The following ADGRA3 variants were observed in gnomAD, a reference collection of about 807,000 sequenced individuals.
The protein encoded by ADGRA3 is G-protein coupled receptor 125.
In ADGRA3, 56 loss-of-function variants were observed where a neutral mutation model predicts 119.8. The observed-to-expected ratio is 0.47, with a 90% CI of 0.38 to 0.58. ADGRA3 has a LOEUF of 0.58. ADGRA3 is among the 20% of genes least tolerant of loss of function. The pLI, the probability that ADGRA3 is intolerant of heterozygous loss-of-function variation, is 0.00. For synonymous variants in ADGRA3, 607 were observed against 623.8 expected (o/e 0.97, Z 0.40); for missense variants, 1,516 against 1,649.0 (o/e 0.92, Z 1.40).
At chr4:22,483,051 G>C (rs1057214261) in intron 1 of ADGRA3, among the ~76,000 whole-genome samples, 20 of 152,202 alleles carry the variant, frequency 1.3e-4, no homozygotes, top group African/African-American at 4.6e-4. Flanking sequence ...ATCTCTACCA[G>C]AGCTTTGCAA....
chr4:22,392,391 G>C (rs868803863), intron 17 of ADGRA3, among the ~76,000 whole-genome samples, 154 bp downstream of exon 17: 5 of 152,164 alleles, frequency 3.3e-5, no homozygotes, highest in African/African-American at 7.2e-5. Flanking sequence ...ACTCGCAGCG[G>C]GAAGGATGCC....
At chr4:22,468,440 G>A (rs927309900) in intron 2 of ADGRA3, among the ~76,000 whole-genome samples, 26 of 152,068 alleles carry the variant, frequency 1.7e-4, no homozygotes, top group African/African-American at 5.3e-4. Flanking sequence ...AAAATATATA[G>A]CACAATACAA....
intron 1 of ADGRA3, among the ~76,000 whole-genome samples, chr4:22,493,360 A>G (rs950973305): frequency 6.6e-6 from 1 of 152,240 alleles, no homozygotes. Flanking sequence ...TTTCAAAAAG[A>G]TCCTTCATAG....
intron 1 of ADGRA3, among the ~76,000 whole-genome samples, chr4:22,495,608 T>C (rs1718789634): frequency 6.6e-6 from 1 of 151,966 alleles, no homozygotes; most frequent in Non-Finnish European, 1.5e-5. Context: ...ATTTCTTTTA[T>C]AAAAGTATCA....
chr4:22,401,193 C>T (rs1053345983), intron 16 of ADGRA3, among the ~76,000 whole-genome samples: 33 of 152,046 alleles, frequency 2.2e-4, no homozygotes, highest in Admixed American at 1.9e-3. Context: ...ATAGCCATAA[C>T]GTGTAACACT....
intron 4 of ADGRA3, among the ~76,000 whole-genome samples, chr4:22,454,383 C>G (rs1462994): frequency 0.81 from 123,341 of 152,102 alleles, 50,245 homozygotes; most frequent in Non-Finnish European, 0.85. Flanking sequence ...TGGTCAGAGG[C>G]ACAATTCAAA....
In ADGRA3 at chr4:22,473,773, A is replaced by G; in HGVS notation, c.328T>C (p.Leu110=). The G allele has an allele frequency of 6.4e-7, 1 of 1,566,984 alleles. No homozygotes were observed. The highest frequency in any genetic ancestry group is 8.7e-7 in the Non-Finnish European group (1 of 1,143,614). Residue 110 remains leucine, a splice_region_variant and synonymous_variant, in exon 2 of 19, where the codon TTG becomes CTG. Transcript: ENST00000334304. ...AGATGATAATTAAAGAATACTCACA[A>G]TCTTTCAAGGAGACTTAACCCAGAA... ...SFSGLSLLER[L]DLRNNLISSI... is the part of the protein sequence containing the mutation.
chr4:22,437,585 C>G (rs1367602529), intron 8 of ADGRA3, among the ~76,000 whole-genome samples: 3 of 152,084 alleles, frequency 2.0e-5, no homozygotes, highest in Non-Finnish European at 4.4e-5. Context: ...CTTAAAGCAC[C>G]TTTGAAAGTA....
chr4:22,402,659 G>A lies in ADGRA3; in HGVS notation c.2357+16C>T, dbSNP rs770854020. ...TCAAAGTCCGCAGATCTATTTTGTC[G>A]AGATGTATTTCTTACCTGTGATGGT... On this transcript the variant is annotated intron_variant, in intron 15 of 18. Transcript: ENST00000334304. 12 of 1,605,236 alleles carry A rather than the reference G, an allele frequency of 7.5e-6. No individual in the cohort carries two copies. Among genetic ancestry groups the A allele is most frequent in the East Asian group, 4.5e-5 (2 of 44,780 alleles).
chr4:22,454,904 A>T lies in ADGRA3; in HGVS notation c.435T>A (p.Asn145Lys). 1.2e-6 allele frequency: 2 copies of T among 1,613,854 alleles called. No homozygotes were observed. Among genetic ancestry groups the T allele is most frequent in the Non-Finnish European group, 1.7e-6 (2 of 1,179,744 alleles). Residue 145 changes from asparagine (N) to lysine (K), a missense_variant, in exon 4 of 19, where the codon AAT becomes AAA. Coordinates refer to ENST00000334304, the MANE Select transcript of ADGRA3 (RefSeq NM_145290.4). The stretch of plus-strand genomic sequence containing the variant: ...TGGTGAGTCCTCGAAATATGTCTGC[A>T]TTCAGACATCCTATTCGATTGTTTG... ...DLTNNRIGCL[N>K]ADIFRGLTNL... is the part of the protein sequence containing the mutation.
At chr4:22,504,021 C>A (rs1299076967) in intron 1 of ADGRA3, among the ~76,000 whole-genome samples, 1 of 152,056 alleles carries the variant, frequency 6.6e-6, no homozygotes, top group Non-Finnish European at 1.5e-5. Flanking sequence ...GCCCTGTCTT[C>A]AGACAGAATC....
chr4:22,389,144 G>T lies in ADGRA3; in HGVS notation c.2667C>A (p.Cys889Ter). The change falls in exon 18 of 19, where the codon TGC (cysteine) becomes TGA (stop). Residue 889 changes from cysteine to a stop codon, truncating the protein, a stop_gained. Coordinates refer to ENST00000334304, the MANE Select transcript of ADGRA3 (RefSeq NM_145290.4). LOFTEE classifies it high-confidence loss of function. ...TAATGTTCGCTGCTGCAGTTATGCC[G>T]CAAACAATGATGGGGATACCACCAC... ...LIGGGIPIIVCGITAAANIKN... is the reference protein window; with the variant it reads ...LIGGGIPIIV The T allele has an allele frequency of 6.2e-7, 1 of 1,613,806 alleles. No individual in the cohort carries two copies. The highest frequency in any genetic ancestry group is 8.5e-7 in the Non-Finnish European group (1 of 1,179,792).
intron 16 of ADGRA3, chr4:22,393,995 A>C (rs1714245455): frequency 1.3e-5 from 2 of 152,200 alleles, no homozygotes; most frequent in Admixed American, 6.5e-5. Context: ...TGAAGATGTG[A>C]GGAAATGAGA....
intron 9 of ADGRA3, among the ~76,000 whole-genome samples, chr4:22,435,715 G>GT (rs1362606501): frequency 6.6e-6 from 1 of 152,124 alleles, no homozygotes; most frequent in Non-Finnish European, 1.5e-5. Flanking sequence ...AGGTTAACAT[G>GT]TTGCACCATC....
Position 22,435,434 on chromosome 4 carries a change from T to C in ADGRA3, c.1320A>G (p.Thr440=), listed in dbSNP as rs746600802. 8 of 1,606,716 alleles carry C rather than the reference T, an allele frequency of 5.0e-6. No homozygotes were observed. The African/African-American group carries it at 8.0e-5, about 16-fold the overall frequency. ...CAGTGTAAGCCAGTAACTGTCGAGCTGTTGCCACGGCATTGGTAAGATTGA... is the reference window on the plus strand; with the variant it reads ...CAGTGTAAGCCAGTAACTGTCGAGCCGTTGCCACGGCATTGGTAAGATTGA... ...MPLNLTNAVA[T]ARQLLAYTVE... is the part of the protein sequence containing the mutation. Residue 440 remains threonine (T), a synonymous_variant, in exon 10 of 19, where the codon ACA becomes ACG. Coordinates refer to ENST00000334304, the MANE Select transcript of ADGRA3 (RefSeq NM_145290.4).
Position 22,426,057 on chromosome 4 carries a change from G to A in ADGRA3, c.1444-1705C>T, listed in dbSNP as rs147494219. 2.4e-3 allele frequency among the ~76,000 whole-genome samples: 359 copies of A among 152,220 alleles called. 11 individuals carry two copies. In the East Asian group the frequency reaches 0.059, roughly 25 times the overall value. ...TAATAAATACAAGGTTCCTAAAACCGTGCCTGGCACATGGCAAGCACTCAA... is the reference window on the plus strand; with the variant it reads ...TAATAAATACAAGGTTCCTAAAACCATGCCTGGCACATGGCAAGCACTCAA... On this transcript the variant is annotated intron_variant, in intron 10 of 18. Coordinates refer to ENST00000334304, the MANE Select transcript of ADGRA3 (RefSeq NM_145290.4).
rs199639027 is a variant in ADGRA3, at chr4:22,438,387, A to T, written c.954T>A (p.Ser318=). ...GGACATGACAGCCCCAATTTCCAGT[A>T]GATCCAGCCTGAATATTAGAAATGG... ...ALTISNIQAG[S]TGNWGCHVQT... is the part of the protein sequence containing the mutation. Residue 318 remains serine (S), a synonymous_variant, in exon 8 of 19, where the codon TCT becomes TCA. Transcript: ENST00000334304. The T allele has an allele frequency of 2.4e-5, 38 of 1,613,872 alleles. No homozygotes were observed. In the East Asian group the frequency reaches 7.8e-4, roughly 33 times the overall value.
chr4:22,473,687 A>C, intron 2 of ADGRA3, 85 bp downstream of exon 2: 1 of 764,054 alleles, frequency 1.3e-6, no homozygotes, highest in Non-Finnish European at 2.1e-6. Flanking sequence ...ATAGCTGGGA[A>C]TTTAGTCACA....
chr4:22,453,051 A>T (rs1027193374), intron 4 of ADGRA3, among the ~76,000 whole-genome samples: 3 of 151,808 alleles, frequency 2.0e-5, no homozygotes, highest in African/African-American at 7.3e-5. Context: ...ACAAAAAAAA[A>T]ATTAGCCGGG....
Sources: allele counts gnomAD v4.1 joint callset (sites outside exome capture counted in the v4.1 genomes callset), GRCh38; gene constraint gnomAD v4.1.1; transcripts MANE v1.5; gene names NCBI Gene and HGNC (gene_info 2026-07-23, HGNC 2026-07-21).